The following KCNIP4 variants were observed in gnomAD, a reference collection of about 807,000 sequenced individuals.
The protein encoded by KCNIP4 is potassium voltage-gated channel interacting protein 4.
In KCNIP4, 12 loss-of-function variants were observed where a neutral mutation model predicts 34.0. That is an observed-to-expected ratio of 0.35 (90% CI 0.23 to 0.57). The LOEUF (loss-of-function observed/expected upper bound fraction) is 0.57. KCNIP4 is among the 20% of genes least tolerant of loss of function. The pLI is 0.83. For missense variants in KCNIP4, 238 were observed against 311.7 expected (o/e 0.76, Z 1.78); for synonymous variants, 124 against 102.2 (o/e 1.21, Z -1.29).
At chr4:21,928,255 C>T (rs145001579) in intron 1 of KCNIP4, among the ~76,000 whole-genome samples, 24 of 152,148 alleles carry the variant, frequency 1.6e-4, no homozygotes, top group African/African-American at 5.5e-4. Flanking sequence ...TTCCCTGAGT[C>T]ACCCTCTGGA....
chr4:21,595,818 AAATATTTATTGAC>A (rs1742602899), intron 1 of KCNIP4, among the ~76,000 whole-genome samples: 1 of 152,102 alleles, frequency 6.6e-6, no homozygotes, highest in African/African-American at 2.4e-5. Context: ...GTCCCTGAAA[AAATATTTATTGAC>A]AATCTACCGT....
At chr4:21,115,705 A>T (rs1386364776) in intron 1 of KCNIP4, among the ~76,000 whole-genome samples, 1 of 152,172 alleles carries the variant, frequency 6.6e-6, no homozygotes, top group Non-Finnish European at 1.5e-5. Context: ...AGCCTTTGGG[A>T]ATAAATGGGG....
chr4:21,170,748 A>G (rs1284415029), intron 1 of KCNIP4, among the ~76,000 whole-genome samples: 3 of 152,214 alleles, frequency 2.0e-5, no homozygotes, highest in Non-Finnish European at 4.4e-5. Flanking sequence ...AATTTTAAAC[A>G]TATTTATAAC....
intron 1 of KCNIP4, among the ~76,000 whole-genome samples, chr4:21,372,480 C>T (rs1438346399): frequency 1.4e-5 from 2 of 146,412 alleles, no homozygotes; most frequent in African/African-American, 2.8e-5. Flanking sequence ...TATTGCTTTT[C>T]CTTGTTAAAT....
chr4:20,916,176 C>T, intron 1 of KCNIP4: 2 of 246,112 alleles, frequency 8.1e-6, no homozygotes, highest in Non-Finnish European at 1.3e-5. Flanking sequence ...CTCTGTCCAC[C>T]TTCACTCACA....
intron 1 of KCNIP4, among the ~76,000 whole-genome samples, chr4:21,856,284 G>C (rs1724749576): frequency 6.6e-6 from 1 of 152,194 alleles, no homozygotes; most frequent in Admixed American, 6.5e-5. Context: ...AGTACTCAGA[G>C]CTACATTTGA....
chr4:21,802,476 AT>A, intron 1 of KCNIP4, among the ~76,000 whole-genome samples: 1 of 152,248 alleles, frequency 6.6e-6, no homozygotes, highest in African/African-American at 2.4e-5. Flanking sequence ...CAGGATATGT[AT>A]TTTTTATTTC....
At chr4:21,339,857 C>CT (rs1261720969) in intron 1 of KCNIP4, among the ~76,000 whole-genome samples, 1 of 152,162 alleles carries the variant, frequency 6.6e-6, no homozygotes, top group Non-Finnish European at 1.5e-5. Flanking sequence ...ATAACTGGTG[C>CT]TTACCAAAGA....
intron 1 of KCNIP4, among the ~76,000 whole-genome samples, chr4:21,831,349 T>C (rs1722979923): frequency 6.6e-6 from 1 of 151,192 alleles, no homozygotes; most frequent in Admixed American, 6.6e-5. Flanking sequence ...ATAGAGAAGA[T>C]CAAATAAACC....
chr4:21,705,025 A>C (rs575368850), intron 1 of KCNIP4, among the ~76,000 whole-genome samples: 1 of 152,112 alleles, frequency 6.6e-6, no homozygotes, highest in Admixed American at 6.6e-5. Flanking sequence ...ATGTGATACT[A>C]CACAGCAATA....
At chr4:21,895,069 G>C (rs1727309449) in intron 1 of KCNIP4, among the ~76,000 whole-genome samples, 2 of 152,160 alleles carry the variant, frequency 1.3e-5, no homozygotes, top group Non-Finnish European at 2.9e-5. Context: ...TGGGACTGCT[G>C]CCTTACATTT....
intron 1 of KCNIP4, among the ~76,000 whole-genome samples, chr4:21,085,961 A>T (rs769670101): frequency 1.3e-5 from 2 of 150,194 alleles, no homozygotes; most frequent in Non-Finnish European, 2.9e-5. Context: ...TTCCAACCAC[A>T]TCACTCCAGG....
chr4:20,784,630 T>A (rs1031369351), intron 3 of KCNIP4, among the ~76,000 whole-genome samples: 1 of 152,212 alleles, frequency 6.6e-6, no homozygotes, highest in African/African-American at 2.4e-5. Context: ...CTCCTTTTTT[T>A]TCTTGTATTA....
intron 1 of KCNIP4, among the ~76,000 whole-genome samples, chr4:21,639,160 T>C (rs1746429155): frequency 6.6e-6 from 1 of 152,306 alleles, no homozygotes; most frequent in Admixed American, 6.5e-5. Flanking sequence ...GGACATGAAA[T>C]GATTGTTTGA....
intron 1 of KCNIP4, among the ~76,000 whole-genome samples, chr4:21,930,426 A>G (rs370759940): frequency 6.6e-6 from 1 of 152,086 alleles, no homozygotes; most frequent in African/African-American, 2.4e-5. Context: ...AACAGAAGCA[A>G]TTGACTTTAC....
In KCNIP4 at chr4:21,869,113, T is replaced by C. The variant is rs115049047; in HGVS notation, c.61+79458A>G. 7.9e-3 allele frequency among the ~76,000 whole-genome samples: 1,198 copies of C among 152,260 alleles called. 16 individuals carry two copies. Among genetic ancestry groups the C allele is most frequent in the African/African-American group, 0.027 (1,133 of 41,554 alleles). On this transcript the variant is annotated intron_variant, in intron 1 of 8. Transcript: ENST00000382152. The stretch of plus-strand genomic sequence containing the variant: ...ATCCAAGCAACTTGACCCCATTCTC[T>C]ATCCTATTTGCTTGAGGGACGTCCT...
intron 1 of KCNIP4, among the ~76,000 whole-genome samples, chr4:21,130,234 C>T (rs745340743): frequency 6.6e-6 from 1 of 152,112 alleles, no homozygotes; most frequent in African/African-American, 2.4e-5. Context: ...GATACCTAGG[C>T]ATCACTTGCA....
intron 1 of KCNIP4, among the ~76,000 whole-genome samples, chr4:21,833,179 A>G (rs1187006766): frequency 6.6e-6 from 1 of 151,410 alleles, no homozygotes; most frequent in Non-Finnish European, 1.5e-5. Context: ...GACTTCCACA[A>G]TGGTTGAACT....
At position 20,955,125 on chromosome 4, in the gene KCNIP4, G is replaced by A. The variant is rs570649829; in HGVS notation, c.62-72416C>T. ...CGTATTGCAGTGGCAGCTTCCTTGA[G>A]CATGGCAGAGGTCTGGTGGCTGGGG... On this transcript the variant is annotated intron_variant, in intron 1 of 8. Coordinates refer to ENST00000382152, the MANE Select transcript of KCNIP4 (RefSeq NM_025221.6). 9.1e-4 allele frequency among the ~76,000 whole-genome samples: 139 copies of A among 152,310 alleles called. 2 individuals carry two copies. The South Asian group carries it at 0.022, about 24-fold the overall frequency.
Sources: gnomAD v4.1 joint callset for allele counts (sites outside exome capture counted in the v4.1 genomes callset) on GRCh38, gnomAD v4.1.1 for gene constraint, MANE v1.5 for transcripts, NCBI Gene and HGNC (gene_info 2026-07-23, HGNC 2026-07-21) for gene names.